Variants in GRID2 observed in about 807,000 individuals in gnomAD.
GRID2 encodes the protein glutamate ionotropic receptor delta type subunit 2.
GRID2 carries 33 observed loss-of-function variants against 114.8 expected under a neutral mutation model. The ratio of observed to expected loss-of-function variants is 0.29; its 90% CI spans 0.22 to 0.38. The LOEUF is 0.38. Among genes scored for constraint, GRID2 ranks in the 10% least tolerant of loss-of-function variants. The pLI, the probability that GRID2 is intolerant of heterozygous loss-of-function variation, is 1.00. For missense variants in GRID2, 1,184 were observed against 1,257.7 expected (o/e 0.94, Z 0.89); for synonymous variants, 505 against 449.9 (o/e 1.12, Z -1.55).
At chr4:93,050,631 C>T (rs904799269) in intron 2 of GRID2, among the ~76,000 whole-genome samples, 1 of 151,582 alleles carries the variant, frequency 6.6e-6, no homozygotes, top group Non-Finnish European at 1.5e-5. Flanking sequence ...TTTCCCCAAA[C>T]TAAATTGTTC....
chr4:93,407,526 A>G (rs964323181), intron 9 of GRID2, among the ~76,000 whole-genome samples: 5 of 152,166 alleles, frequency 3.3e-5, no homozygotes, highest in Admixed American at 3.3e-4. Flanking sequence ...TCCAAGTATT[A>G]TGTTAGCCTG....
intron 14 of GRID2, among the ~76,000 whole-genome samples, chr4:93,751,468 T>A (rs990038032): frequency 6.6e-6 from 1 of 152,086 alleles, no homozygotes; most frequent in Non-Finnish European, 1.5e-5. Context: ...TTGCAATGGG[T>A]CTCCCACAGT....
intron 8 of GRID2, among the ~76,000 whole-genome samples, chr4:93,329,486 G>A (rs1210508208): frequency 6.6e-6 from 1 of 151,882 alleles, no homozygotes; most frequent in Admixed American, 6.6e-5. Context: ...AATACATTAG[G>A]TCATGCTATC....
intron 2 of GRID2, among the ~76,000 whole-genome samples, chr4:92,716,027 T>C (rs1735529314): frequency 6.6e-6 from 1 of 152,208 alleles, no homozygotes; most frequent in African/African-American, 2.4e-5. Flanking sequence ...AAATGACTCC[T>C]TTATAAAAAT....
chr4:93,473,170 C>A (rs1013042218), intron 11 of GRID2, among the ~76,000 whole-genome samples: 2 of 151,960 alleles, frequency 1.3e-5, no homozygotes, highest in Non-Finnish European at 2.9e-5. Context: ...ATAAATATAA[C>A]TTCTTTGCCA....
At chr4:92,641,698 G>A (rs1011098553) in intron 2 of GRID2, among the ~76,000 whole-genome samples, 1 of 151,406 alleles carries the variant, frequency 6.6e-6, no homozygotes, top group African/African-American at 2.4e-5. Context: ...CAATACAGGG[G>A]GTACATGTGC....
At chr4:93,676,753 C>CAAAAAAA (rs1240505682) in intron 14 of GRID2, among the ~76,000 whole-genome samples, 1 of 114,092 alleles carries the variant, frequency 8.8e-6, no homozygotes, top group African/African-American at 3.2e-5. Flanking sequence ...AAAGATATTA[C>CAAAAAAA]AAAAAAAAAA....
At chr4:93,447,892 C>A (rs1722237724) in intron 10 of GRID2, among the ~76,000 whole-genome samples, 1 of 151,806 alleles carries the variant, frequency 6.6e-6, no homozygotes, top group African/African-American at 2.4e-5. Flanking sequence ...TAATTGAATT[C>A]TTTTACAAAA....
chr4:93,469,781 G>T (rs1013957589), intron 11 of GRID2, among the ~76,000 whole-genome samples: 27 of 152,066 alleles, frequency 1.8e-4, no homozygotes, highest in African/African-American at 6.0e-4. Flanking sequence ...TATTAGGGCT[G>T]CACTTAATCT....
At chr4:92,717,977 C>T (rs1579907678) in intron 2 of GRID2, among the ~76,000 whole-genome samples, 1 of 151,992 alleles carries the variant, frequency 6.6e-6, no homozygotes, top group Middle Eastern at 3.4e-3. Context: ...TATAAGGATC[C>T]CATTTTTCAT....
intron 1 of GRID2, among the ~76,000 whole-genome samples, chr4:92,474,219 A>G (rs937280309): frequency 3.3e-5 from 5 of 151,886 alleles, no homozygotes; most frequent in African/African-American, 4.8e-5. Context: ...CTCTCTGTTT[A>G]TATGAATTTG....
intron 8 of GRID2, among the ~76,000 whole-genome samples, chr4:93,239,138 A>T (rs551068202): frequency 4.0e-4 from 57 of 142,338 alleles, no homozygotes; most frequent in African/African-American, 1.3e-3. Flanking sequence ...ATATATATCA[A>T]ATATATATAT....
intron 4 of GRID2, among the ~76,000 whole-genome samples, chr4:93,186,486 G>A (rs539129636): frequency 3.9e-5 from 6 of 152,058 alleles, no homozygotes; most frequent in African/African-American, 1.4e-4. Flanking sequence ...AAAATTTCCT[G>A]TGTACTCAGA....
intron 8 of GRID2, among the ~76,000 whole-genome samples, chr4:93,277,565 A>G (rs144270210): frequency 6.6e-5 from 10 of 152,118 alleles, no homozygotes; most frequent in Non-Finnish European, 1.3e-4. Flanking sequence ...AGTTAATTTT[A>G]ATATACAGTG....
At chr4:93,285,526 A>G (rs1753064149) in intron 8 of GRID2, among the ~76,000 whole-genome samples, 1 of 152,070 alleles carries the variant, frequency 6.6e-6, no homozygotes, top group South Asian at 2.1e-4. Context: ...TAGAAACAAT[A>G]CTAAATAGCT....
intron 13 of GRID2, among the ~76,000 whole-genome samples, chr4:93,563,479 T>C (rs1197259654): frequency 6.6e-6 from 1 of 152,012 alleles, no homozygotes; most frequent in Non-Finnish European, 1.5e-5. Flanking sequence ...GCTTATCTTT[T>C]CTGAATGTAT....
chr4:93,578,115 T>A (rs1389763421), intron 13 of GRID2, among the ~76,000 whole-genome samples: 1 of 152,192 alleles, frequency 6.6e-6, no homozygotes, highest in African/African-American at 2.4e-5. Flanking sequence ...TTATCTGCTC[T>A]TCCGTGGTTT....
chr4:92,662,324 T>C (rs1579793173), intron 2 of GRID2, among the ~76,000 whole-genome samples: 2 of 150,980 alleles, frequency 1.3e-5, no homozygotes, highest in East Asian at 1.9e-4. Flanking sequence ...AATTTTATTA[T>C]GGTGGCGCTC....
intron 2 of GRID2, among the ~76,000 whole-genome samples, chr4:92,683,477 A>C (rs1733751221): frequency 6.6e-6 from 1 of 152,152 alleles, no homozygotes; most frequent in Non-Finnish European, 1.5e-5. Context: ...GTTTTTGGCA[A>C]ACTTGAGCAG....
Sources: allele counts gnomAD v4.1 joint callset (sites outside exome capture counted in the v4.1 genomes callset), GRCh38; gene constraint gnomAD v4.1.1; transcripts MANE v1.5; gene names NCBI Gene and HGNC (gene_info 2026-07-23, HGNC 2026-07-21).